The following PKHD1L1 variants were observed in gnomAD, a reference collection of about 807,000 sequenced individuals.
PKHD1L1 encodes PKHD1 like 1.
Under a neutral mutation model 462.9 loss-of-function variants are expected in PKHD1L1, and 434 were observed. The observed-to-expected ratio is 0.94, with a 90% CI of 0.87 to 1.02. The LOEUF is 1.02. Among genes scored for constraint, PKHD1L1 ranks in the 50% least tolerant of loss-of-function variants. The pLI is 0.00. For synonymous variants in PKHD1L1, 1,781 were observed against 1,750.0 expected, an observed-to-expected ratio of 1.02 and a Z score of -0.44; for missense variants, 5,202 against 5,096.1, an observed-to-expected ratio of 1.02 and a Z score of -0.63.
At position 109,522,813 on chromosome 8, in the gene PKHD1L1, G is replaced by A. The variant is rs545408557; in HGVS notation, c.12253G>A (p.Val4085Met). ...CGTGGCCTTCGTGTCCTCACTCTTA[G>A]TGATCACTCAGCCGGTGGCAGCACA... is the stretch of plus-strand genomic sequence containing the variant. Reference protein sequence around the residue: ...HHVAFVSSLLVITQPVAAQPG... With the variant: ...HHVAFVSSLLMITQPVAAQPG... Residue 4085 changes from valine to methionine, a missense_variant, in exon 75 of 78, where the codon GTG becomes ATG. Physicochemically the swap from Val to Met is conservative, Grantham distance 21. Coordinates refer to ENST00000378402, the MANE Select transcript of PKHD1L1 (RefSeq NM_177531.6). The A allele has an allele frequency of 3.7e-6, 6 of 1,612,436 alleles. No homozygotes were observed. In the African/African-American group the frequency reaches 4.0e-5, roughly 11 times the overall value.
At chr8:109,385,706 G>A (rs1032475068) in intron 6 of PKHD1L1, 76 bp downstream of exon 6, 1 of 925,570 alleles carries the variant, frequency 1.1e-6, no homozygotes, top group Non-Finnish European at 1.6e-6. Context: ...TGGGTCCAAT[G>A]ATATTAAATC....
chr8:109,427,536 A>T (rs751574575), intron 25 of PKHD1L1, among the ~76,000 whole-genome samples: 2 of 152,028 alleles, frequency 1.3e-5, no homozygotes, highest in Non-Finnish European at 2.9e-5. Flanking sequence ...CTACCACGAG[A>T]GCTGTATTTT....
At chr8:109,453,142 A>G (rs1016722537) in intron 43 of PKHD1L1, among the ~76,000 whole-genome samples, 1 of 152,182 alleles carries the variant, frequency 6.6e-6, no homozygotes, top group African/African-American at 2.4e-5. Context: ...TTAAAGCTAA[A>G]TGTTGTTTTA....
chr8:109,449,528 G>A, intron 40 of PKHD1L1, 41 bp downstream of exon 40: 1 of 1,495,202 alleles, frequency 6.7e-7, no homozygotes. Context: ...TTGAGAACTA[G>A]TTAATTTTAT....
intron 62 of PKHD1L1, 52 bp downstream of exon 62, chr8:109,492,046 G>A: frequency 7.8e-7 from 1 of 1,284,354 alleles, no homozygotes. Context: ...ATCAGTTATT[G>A]AAAAATATCT....
At position 109,530,370 on chromosome 8, in the gene PKHD1L1, C is replaced by A; in HGVS notation, c.*280C>A. ...TGACACCTCTAAGTTATTGTACCAACAAATCATAGAATCCTTTAAATAATG... is the reference window on the plus strand; with the variant it reads ...TGACACCTCTAAGTTATTGTACCAAAAAATCATAGAATCCTTTAAATAATG... On this transcript the variant is annotated 3_prime_UTR_variant, in exon 78 of 78. Coordinates refer to ENST00000378402, the MANE Select transcript of PKHD1L1 (RefSeq NM_177531.6). 1.0e-5 allele frequency: 2 copies of A among 200,672 alleles called. No homozygotes were observed. The highest frequency in any genetic ancestry group is 2.0e-5 in the Non-Finnish European group (2 of 98,676). 12.4% of individuals were successfully genotyped at this position (200,672 alleles called of 1,614,324 possible).
chr8:109,533,044 G>A lies in PKHD1L1; in HGVS notation c.*2954G>A, dbSNP rs1410583248. ...TAGGTTAAATTCCCAAGTTCACAGA[G>A]CTACTAATGGTAAAGCTGGGATTCA... On this transcript the variant is annotated 3_prime_UTR_variant, in exon 78 of 78. Coordinates refer to ENST00000378402, the MANE Select transcript of PKHD1L1 (RefSeq NM_177531.6). Among the ~76,000 whole-genome samples the A allele has an allele frequency of 1.3e-5, 2 of 152,170 alleles. No individual in the cohort carries two copies. Among genetic ancestry groups the A allele is most frequent in the Non-Finnish European group, 2.9e-5 (2 of 68,028 alleles).
chr8:109,400,234 C>A lies in PKHD1L1; in HGVS notation c.1171C>A (p.Arg391Ser). 1 of 1,613,602 alleles carries A rather than the reference C, an allele frequency of 6.2e-7. No individual in the cohort carries two copies. Among genetic ancestry groups the A allele is most frequent in the Non-Finnish European group, 8.5e-7 (1 of 1,179,672 alleles). Residue 391 changes from arginine (R) to serine (S), a missense_variant, in exon 13 of 78, where the codon CGC becomes AGC. By Grantham distance (110) the Arg-to-Ser change is moderately radical (BLOSUM62 -1). This residue lies in a region of PKHD1L1 where 4,497 missense variants were observed against 4,336.8 expected (regional missense o/e 1.04). Coordinates refer to ENST00000378402, the MANE Select transcript of PKHD1L1 (RefSeq NM_177531.6). ...CATGGAACAAGACACATTTGTTGCA[C>A]GCTTTAGTGGATTTTTGGTGGCTCC... ...WLMEQDTFVA[R>S]FSGFLVAPDS...
chr8:109,504,028 C>T (rs1673419), intron 67 of PKHD1L1, among the ~76,000 whole-genome samples: 59,244 of 151,832 alleles, frequency 0.39, 11,722 homozygotes, highest in South Asian at 0.57. Flanking sequence ...AGAGCAAGCT[C>T]CAATATGCAA....
chr8:109,441,170 TA>T, intron 33 of PKHD1L1, 104 bp from the exon 34 acceptor site: 1 of 776,356 alleles, frequency 1.3e-6, no homozygotes, highest in South Asian at 2.3e-5. Flanking sequence ...GAGTTTTTTT[TA>T]GGGTCTTGGC....
intron 11 of PKHD1L1, among the ~76,000 whole-genome samples, chr8:109,397,360 C>A (rs1231354688): frequency 6.6e-6 from 1 of 152,108 alleles, no homozygotes; most frequent in East Asian, 1.9e-4. Context: ...GTTCAAATTT[C>A]TTGCATCCAT....
intron 77 of PKHD1L1, among the ~76,000 whole-genome samples, chr8:109,527,588 G>T (rs1438867136): frequency 1.3e-5 from 2 of 152,296 alleles, no homozygotes; most frequent in South Asian, 2.1e-4. Flanking sequence ...TTTTTGAGTT[G>T]CAAGATGCAG....
At chr8:109,519,541 C>G (rs1673409) in intron 73 of PKHD1L1, among the ~76,000 whole-genome samples, 36,015 of 151,920 alleles carry the variant, frequency 0.24, 4,969 homozygotes, top group African/African-American at 0.34. Flanking sequence ...CCACTGCTAA[C>G]CTGCAACCAT....
chr8:109,474,191 T>TG (rs2130864229), intron 50 of PKHD1L1, among the ~76,000 whole-genome samples: 1 of 152,336 alleles, frequency 6.6e-6, no homozygotes, highest in Admixed American at 6.5e-5. Flanking sequence ...GGAATTTTGT[T>TG]GGGCCTTATT....
chr8:109,468,897 G>T (rs1817581148), intron 50 of PKHD1L1, among the ~76,000 whole-genome samples: 1 of 152,162 alleles, frequency 6.6e-6, no homozygotes, highest in African/African-American at 2.4e-5. Flanking sequence ...TAGGTAAGAA[G>T]CAGTGAATTT....
chr8:109,436,528 G>C (rs1007273152), intron 30 of PKHD1L1, 69 bp downstream of exon 30: 13 of 1,581,532 alleles, frequency 8.2e-6, no homozygotes, highest in African/African-American at 2.7e-5. Flanking sequence ...AAACATCTCA[G>C]TGGGGCGGGG....
Position 109,480,063 on chromosome 8 carries a change from A to T in PKHD1L1, c.9251A>T (p.Glu3084Val). Reference sequence around the variant, plus strand: ...ATTATTTGGGGGGTTCTAGAACTGGAAGATAAATACAATGTAGGAGCTGCA... The same window carrying T: ...ATTATTTGGGGGGTTCTAGAACTGGTAGATAAATACAATGTAGGAGCTGCA... ...RLIIWGVLEL[E>V]DKYNVGAAES... The change falls in exon 55 of 78, where the codon GAA becomes GTA. Residue 3084 changes from glutamate (E) to valine (V), a missense_variant. This residue lies in a region of PKHD1L1 where 4,497 missense variants were observed against 4,336.8 expected (regional missense o/e 1.04). Transcript: ENST00000378402. 6.3e-7 allele frequency: 1 copy of T among 1,590,428 alleles called. No individual in the cohort carries two copies. The highest frequency in any genetic ancestry group is 8.6e-7 in the Non-Finnish European group (1 of 1,168,628).
chr8:109,364,393 C>T (rs2130285917), intron 1 of PKHD1L1, among the ~76,000 whole-genome samples, 154 bp from the exon 2 acceptor site: 1 of 152,322 alleles, frequency 6.6e-6, no homozygotes, highest in East Asian at 1.9e-4. Flanking sequence ...AAGTCATTGG[C>T]AGAGCCAAAA....
At chr8:109,481,988 T>C (rs1818296891) in intron 56 of PKHD1L1, among the ~76,000 whole-genome samples, 1 of 151,824 alleles carries the variant, frequency 6.6e-6, no homozygotes, top group South Asian at 2.1e-4. Context: ...ATAGTATTAA[T>C]AAATAATCTG....
Sources: allele counts gnomAD v4.1 joint callset (sites outside exome capture counted in the v4.1 genomes callset), GRCh38; gene constraint gnomAD v4.1.1; regional missense constraint gnomAD v4.1.1; transcripts MANE v1.5; gene names NCBI Gene and HGNC (gene_info 2026-07-23, HGNC 2026-07-21).